RB1: variants seen among roughly 807,000 people sequenced by gnomAD.
The protein encoded by RB1 is retinoblastoma-associated protein.
RB1 carries 18 observed loss-of-function variants against 135.4 expected under a neutral mutation model. That is an observed-to-expected ratio of 0.13 (90% confidence interval 0.09 to 0.20). RB1 has a LOEUF of 0.20. Among genes scored for constraint, RB1 ranks in the 10% least tolerant of loss-of-function variants. The pLI, the probability that RB1 is intolerant of heterozygous loss-of-function variation, is 1.00. For missense variants in RB1, 868 were observed against 1,110.0 expected (o/e 0.78, Z 3.10); for synonymous variants, 365 against 373.2 (o/e 0.98, Z 0.25).
At position 48,381,590 on chromosome 13, in the gene RB1, A is replaced by G. The variant is rs543232712; in HGVS notation, c.1695+147A>G. 7 of 823,728 alleles carry G rather than the reference A, an allele frequency of 8.5e-6. No individual in the cohort carries two copies. The Admixed American group carries it at 1.6e-4, about 18-fold the overall frequency. The allele number at this position is 823,728 out of a possible 1,614,324, so 51.0% of individuals were successfully genotyped here. A position where few individuals can be genotyped will look rare whatever the true frequency, so the allele number is the denominator to read the frequency against. On this transcript the variant is annotated intron_variant, in intron 17 of 26. Transcript: ENST00000267163. ...ATTTCAGTCTATAGCCCAAGGATCA[A>G]GTGGAATATTAGAATGGAGCTTTAA...
chr13:48,396,680 C>T (rs1207656327), intron 17 of RB1, among the ~76,000 whole-genome samples: 1 of 152,088 alleles, frequency 6.6e-6, no homozygotes, highest in Non-Finnish European at 1.5e-5. Context: ...TTCTGCACAG[C>T]AAAAGAAACT....
At chr13:48,321,586 T>A (rs1246795322) in intron 2 of RB1, among the ~76,000 whole-genome samples, 1 of 152,102 alleles carries the variant, frequency 6.6e-6, no homozygotes, top group East Asian at 1.9e-4. Flanking sequence ...CTGGGCGCGG[T>A]GGCTCACGTC....
chr13:48,341,653 A>G (rs950213733), intron 2 of RB1, among the ~76,000 whole-genome samples: 1 of 152,032 alleles, frequency 6.6e-6, no homozygotes, highest in African/African-American at 2.4e-5. Context: ...TTACATCCCA[A>G]GTAGCTAAAA....
At chr13:48,463,451 T>C (rs1056391217) in intron 20 of RB1, among the ~76,000 whole-genome samples, 4 of 152,228 alleles carry the variant, frequency 2.6e-5, no homozygotes, top group South Asian at 2.1e-4. Flanking sequence ...CTTTCAACTT[T>C]TCTGGGAAAC....
intron 2 of RB1, among the ~76,000 whole-genome samples, chr13:48,336,091 G>C (rs34802393): frequency 6.6e-6 from 1 of 151,932 alleles, no homozygotes; most frequent in South Asian, 2.1e-4. Context: ...ATGCTGCATA[G>C]AGGTCTTTCT....
At chr13:48,392,374 G>A (rs905769665) in intron 17 of RB1, among the ~76,000 whole-genome samples, 1 of 152,186 alleles carries the variant, frequency 6.6e-6, no homozygotes, top group Non-Finnish European at 1.5e-5. Flanking sequence ...GCTTCCCAAA[G>A]TGCTGGGATT....
rs533014393 is a variant in RB1 at position 48,375,497 on chromosome 13, T to C, written c.1216-1421T>C. Among the ~76,000 whole-genome samples, 150 of 150,958 alleles carry C rather than the reference T, an allele frequency of 9.9e-4. 1 individual carries two copies. Among genetic ancestry groups the C allele is most frequent in the Non-Finnish European group, 1.9e-3 (129 of 67,764 alleles). ...GTGCTGTTTTTTTTTTTTAGGAATA[T>C]AGAATTGCTGATATTCTAGAATGTG... On this transcript the variant is annotated intron_variant, in intron 12 of 26. Transcript: ENST00000267163.
chr13:48,393,376 T>C (rs1483307420), intron 17 of RB1, among the ~76,000 whole-genome samples: 1 of 152,224 alleles, frequency 6.6e-6, no homozygotes, highest in East Asian at 1.9e-4. Flanking sequence ...GTTTCTCATC[T>C]CTGGACTGTG....
At chr13:48,390,776 A>G (rs1948605235) in intron 17 of RB1, among the ~76,000 whole-genome samples, 1 of 152,172 alleles carries the variant, frequency 6.6e-6, no homozygotes, top group Non-Finnish European at 1.5e-5. Context: ...TAGTGAAGCC[A>G]TTCCAGCTTT....
At chr13:48,479,899 A>G in intron 26 of RB1, 99 bp from the exon 27 acceptor site, 1 of 883,158 alleles carries the variant, frequency 1.1e-6, no homozygotes, top group Non-Finnish European at 1.9e-6. Flanking sequence ...CAAGGTCCTG[A>G]GCGCCATCAG....
At position 48,319,455 on chromosome 13, in the gene RB1, C is replaced by G. The variant is rs1952215700; in HGVS notation, c.264+12049C>G. 2.9e-6 allele frequency: 1 copy of G among 339,654 alleles called. No homozygotes were observed. The highest frequency in any genetic ancestry group is 4.2e-5 in the Admixed American group (1 of 23,916). The allele number at this position is 339,654 out of a possible 1,614,324, so 21.0% of individuals were successfully genotyped here. On this transcript the variant is annotated intron_variant, in intron 2 of 26. Transcript: ENST00000267163. This position sits in a 1 kb window ranked among gnomAD's most constrained non-coding sequence, Gnocchi z 5.0. ...CGCACTTGTGACTTGCTTTCCCCTTCTCAGGGCGCCAGCGCTCCTCTTGAC... is the reference window on the plus strand; with the variant it reads ...CGCACTTGTGACTTGCTTTCCCCTTGTCAGGGCGCCAGCGCTCCTCTTGAC...
At chr13:48,402,229 G>A (rs1038953170) in intron 17 of RB1, among the ~76,000 whole-genome samples, 1 of 151,914 alleles carries the variant, frequency 6.6e-6, no homozygotes, top group African/African-American at 2.4e-5. Context: ...CTTTAATAGT[G>A]TACACTTTTA....
At chr13:48,433,182 G>A (rs534470801) in intron 17 of RB1, among the ~76,000 whole-genome samples, 9 of 151,924 alleles carry the variant, frequency 5.9e-5, no homozygotes, top group East Asian at 1.9e-4. Flanking sequence ...TATCTAAAAC[G>A]TGACTTATTA....
Position 48,480,091 on chromosome 13 carries a change from GACACTGTGT to G in RB1, c.*25_*33del. 1 of 1,578,652 alleles carries G rather than the reference GACACTGTGT, an allele frequency of 6.3e-7. No individual in the cohort carries two copies. Among genetic ancestry groups the G allele is most frequent in the Non-Finnish European group, 8.7e-7 (1 of 1,148,868 alleles). ...AAATGAGGATCTCAGGACCTTGGTG[GACACTGTGT>G]ACACCTCTGGATTCATTGTCTCTCA... On this transcript the variant is annotated 3_prime_UTR_variant, in exon 27 of 27. Transcript: ENST00000267163.
intron 23 of RB1, among the ~76,000 whole-genome samples, chr13:48,466,454 G>A: frequency 6.9e-6 from 1 of 144,602 alleles, no homozygotes; most frequent in South Asian, 2.3e-4. Flanking sequence ...CACAAAGATG[G>A]GGAAAAAACA....
At chr13:48,329,264 G>C (rs572423979) in intron 2 of RB1, among the ~76,000 whole-genome samples, 64 of 152,216 alleles carry the variant, frequency 4.2e-4, no homozygotes, top group Admixed American at 7.8e-4. Context: ...AAGACAGGTT[G>C]ATTCAGAATT....
chr13:48,424,392 T>C (rs2138256030), intron 17 of RB1, among the ~76,000 whole-genome samples: 1 of 152,300 alleles, frequency 6.6e-6, no homozygotes, highest in Non-Finnish European at 1.5e-5. Context: ...CCAACTTTTA[T>C]AGAGTTGGAT....
At chr13:48,352,174 A>C (rs1028957373) in intron 6 of RB1, among the ~76,000 whole-genome samples, 2 of 152,044 alleles carry the variant, frequency 1.3e-5, no homozygotes, top group African/African-American at 4.8e-5. Context: ...TGGGTGCTCT[A>C]TTCTGTTCCA....
intron 6 of RB1, among the ~76,000 whole-genome samples, chr13:48,359,550 G>A (rs998165849): frequency 1.4e-5 from 2 of 144,626 alleles, no homozygotes; most frequent in East Asian, 4.0e-4. Context: ...TTATAAAAGT[G>A]GAATTAAAAA....
Sources: gnomAD v4.1 joint callset for allele counts (sites outside exome capture counted in the v4.1 genomes callset) on GRCh38, gnomAD v4.1.1 for gene constraint, Gnocchi (gnomAD v3.1) non-coding constraint, MANE v1.5 for transcripts, NCBI Gene and HGNC (gene_info 2026-07-23, HGNC 2026-07-21) for gene names.